The following EARS2 variants were observed in gnomAD, a reference collection of about 807,000 sequenced individuals.
The protein encoded by EARS2 is glutamyl-tRNA synthetase 2, mitochondrial.
A neutral mutation model predicts 54.1 loss-of-function variants in EARS2; 50 were observed. The observed-to-expected ratio is 0.92, with a 90% CI of 0.74 to 1.17. The LOEUF is 1.17. Ranked by LOEUF, EARS2 falls within the 50% of genes most tolerant of loss-of-function variation. The probability of loss-of-function intolerance (pLI) is 0.00; values close to 1 mark genes in which losing one functional copy is unlikely to be tolerated. For synonymous variants in EARS2, 298 were observed against 281.0 expected (o/e 1.06, Z -0.61); for missense variants, 673 against 675.0 (o/e 1.00, Z 0.03).
At position 23,521,973 on chromosome 16, in the gene EARS2, G is replaced by C; in HGVS notation, c.*2398C>G. ...TTTTAGTTAACTTTTCAGAACCTCG[G>C]TTTCCATATCTGTAACAGAAAAAAA... On this transcript the variant is annotated 3_prime_UTR_variant, in exon 9 of 9. Coordinates refer to ENST00000449606, the MANE Select transcript of EARS2 (RefSeq NM_001083614.2). 2 of 363,058 alleles carry C rather than the reference G, an allele frequency of 5.5e-6. No individual in the cohort carries two copies. Among genetic ancestry groups the C allele is most frequent in the South Asian group, 4.1e-5 (2 of 49,360 alleles). 22.5% of individuals were successfully genotyped at this position (363,058 alleles called of 1,614,324 possible).
chr16:23,554,845 G>A (rs1965750673), intron 1 of EARS2, among the ~76,000 whole-genome samples: 2 of 152,094 alleles, frequency 1.3e-5, no homozygotes, highest in Admixed American at 1.3e-4. Flanking sequence ...TCTGTCAGAG[G>A]GATTAAGAGC....
At chr16:23,538,576 T>C (rs901607864) in intron 3 of EARS2, among the ~76,000 whole-genome samples, 3 of 152,172 alleles carry the variant, frequency 2.0e-5, no homozygotes, top group African/African-American at 7.2e-5. Flanking sequence ...ATATGTTCTG[T>C]CCAAGTGCGG....
At chr16:23,539,767 C>T (rs1423465739) in intron 3 of EARS2, among the ~76,000 whole-genome samples, 1 of 151,924 alleles carries the variant, frequency 6.6e-6, no homozygotes, top group African/African-American at 2.4e-5. Context: ...AATCCCAGCA[C>T]TTTGGGAAGC....
chr16:23,542,864 C>G (rs1198052754), intron 3 of EARS2, among the ~76,000 whole-genome samples: 1 of 151,890 alleles, frequency 6.6e-6, no homozygotes, highest in Non-Finnish European at 1.5e-5. Context: ...CCTGTAATCC[C>G]AGCACTTTGG....
intron 7 of EARS2, among the ~76,000 whole-genome samples, chr16:23,528,777 T>C (rs997265689): frequency 7.2e-5 from 11 of 152,254 alleles, no homozygotes; most frequent in African/African-American, 2.7e-4. Flanking sequence ...GGCTTGTGCC[T>C]GTAGTCCCAG....
At chr16:23,553,347 G>T (rs1294487114) in intron 1 of EARS2, among the ~76,000 whole-genome samples, 1 of 152,142 alleles carries the variant, frequency 6.6e-6, no homozygotes, top group African/African-American at 2.4e-5. Context: ...GCCTGAAAGA[G>T]AAGCAGAGAG....
chr16:23,555,414 G>A (rs539806889), intron 1 of EARS2, among the ~76,000 whole-genome samples: 1 of 152,288 alleles, frequency 6.6e-6, no homozygotes, highest in South Asian at 2.1e-4. Flanking sequence ...CTTGAGCCCC[G>A]GAGGCTGAGG....
At chr16:23,556,512 G>A (rs993222382) in intron 1 of EARS2, among the ~76,000 whole-genome samples, 2 of 152,158 alleles carry the variant, frequency 1.3e-5, no homozygotes, top group African/African-American at 4.8e-5. Context: ...GCGCCACCAT[G>A]CCCAGATAAT....
rs1555504409 is a variant in EARS2, at chr16:23,548,272, T to TAAATAAAA, written c.296-3570_296-3569insTTTTATTT. ...ATAAATAAATAAATAAATAAATAAA[T>TAAATAAAA]AAAATGAAAAAAATTAAAAAAGAAA... On this transcript the variant is annotated intron_variant, in intron 2 of 8. Coordinates refer to ENST00000449606, the MANE Select transcript of EARS2 (RefSeq NM_001083614.2). Among the ~76,000 whole-genome samples the TAAATAAAA allele has an allele frequency of 4.8e-5, 7 of 146,602 alleles. No homozygotes were observed. In the South Asian group the frequency reaches 8.5e-4, roughly 18 times the overall value.
intron 1 of EARS2, among the ~76,000 whole-genome samples, chr16:23,556,453 C>G (rs1460818296): frequency 6.6e-6 from 1 of 152,222 alleles, no homozygotes; most frequent in African/African-American, 2.4e-5. Context: ...CTCCTGCGTT[C>G]AAGCGATTCT....
rs750055646 is a variant in EARS2 at position 23,525,368 on chromosome 16, C to A, written c.1364G>T (p.Arg455Ile). Residue 455 changes from arginine (R) to isoleucine (I), a missense_variant, in exon 8 of 9, where the codon AGA (arginine) becomes ATA (isoleucine). Around this residue, in one of 3 missense-constraint regions of EARS2, gnomAD observed 338 missense variants for 361.2 expected, o/e 0.94. Transcript: ENST00000449606. ...ATCCTGAGTTAAGCTCATACTAGATCTTTCTAGAAGCCTAGAAGAAGAGGG... is the reference window on the plus strand; with the variant it reads ...ATCCTGAGTTAAGCTCATACTAGATATTTCTAGAAGCCTAGAAGAAGAGGG... ...IAKRVLGLLE[R>I]SSMSLTQDML... 1.1e-5 allele frequency: 18 copies of A among 1,613,134 alleles called. No homozygotes were observed. Among genetic ancestry groups the A allele is most frequent in the Non-Finnish European group, 1.5e-5 (18 of 1,179,694 alleles).
At chr16:23,557,373 C>T (rs534870260), upstream of EARS2, 165 of 1,536,218 alleles carry the variant, frequency 1.1e-4, no homozygotes, top group South Asian at 1.8e-3. Flanking sequence ...GTGGGCTTCT[C>T]CCTGCGTCAC....
rs374122342 is a variant in EARS2, at chr16:23,556,677, T to C, written c.139+528A>G. The C allele has an allele frequency of 1.7e-4, 60 of 349,094 alleles. No individual in the cohort carries two copies. In the East Asian group the frequency reaches 2.5e-3, roughly 15 times the overall value. 21.6% of individuals were successfully genotyped at this position (349,094 alleles called of 1,614,324 possible). On this transcript the variant is annotated intron_variant, in intron 1 of 8. Transcript: ENST00000449606. ...CCTGGCCTCCAGAAGGTTCCTTCTA[T>C]AGGCTTCACATAGCGTGCTCCTTCT...
chr16:23,543,177 A>G (rs12449278), intron 3 of EARS2, among the ~76,000 whole-genome samples: 125,320 of 146,270 alleles, frequency 0.86, 53,883 homozygotes, highest in Middle Eastern at 0.91. Context: ...CCAGCACTTT[A>G]GGAGGCCAAG....
chr16:23,526,007 A>AT (rs1367927986), intron 7 of EARS2, among the ~76,000 whole-genome samples: 2 of 151,352 alleles, frequency 1.3e-5, no homozygotes, highest in African/African-American at 4.9e-5. Context: ...CAAAATAAAA[A>AT]AAAAAAAATA....
chr16:23,529,930 C>G (rs753930898), intron 5 of EARS2, 33 bp from the exon 6 acceptor site: 2 of 1,609,424 alleles, frequency 1.2e-6, no homozygotes, highest in Non-Finnish European at 8.5e-7. Flanking sequence ...GCCCTGCTGT[C>G]AACACCCCAA....
At chr16:23,542,448 G>C (rs1965531328) in intron 3 of EARS2, among the ~76,000 whole-genome samples, 2 of 148,614 alleles carry the variant, frequency 1.3e-5, no homozygotes, top group Admixed American at 6.8e-5. Context: ...CTCCCGAGCA[G>C]CTGGGACTAC....
At chr16:23,556,683 TCA>T in intron 1 of EARS2, 4 of 352,348 alleles carry the variant, frequency 1.1e-5, no homozygotes, top group South Asian at 8.7e-5. Context: ...TCTATAGGCT[TCA>T]CATAGCGTGC....
At chr16:23,546,934 C>A (rs1012921962) in intron 2 of EARS2, among the ~76,000 whole-genome samples, 2 of 152,178 alleles carry the variant, frequency 1.3e-5, no homozygotes, top group Non-Finnish European at 2.9e-5. Context: ...AGGGCTAAAT[C>A]GGGTAAATTT....
Sources: allele counts gnomAD v4.1 joint callset (sites outside exome capture counted in the v4.1 genomes callset), GRCh38; gene constraint gnomAD v4.1.1; regional missense constraint gnomAD v4.1.1; transcripts MANE v1.5; gene names NCBI Gene and HGNC (gene_info 2026-07-23, HGNC 2026-07-21).